The following NXPH1 variants were observed in gnomAD, a reference collection of about 807,000 sequenced individuals.
NXPH1 encodes the protein neurexophilin 1, also known as neurexophilin-1.
In NXPH1, 5 loss-of-function variants were observed where a neutral mutation model predicts 23.7. The ratio of observed to expected loss-of-function variants is 0.21; its 90% confidence interval spans 0.11 to 0.44. NXPH1 has a LOEUF of 0.44. Ranked by LOEUF, NXPH1 falls within the 20% of genes least tolerant of loss-of-function variation. The pLI, the probability that NXPH1 is intolerant of heterozygous loss-of-function variation, is 0.99. For missense variants in NXPH1, 324 were observed against 321.6 expected, an observed-to-expected ratio of 1.01 and a Z score of -0.06; for synonymous variants, 144 against 122.2, an observed-to-expected ratio of 1.18 and a Z score of -1.18.
chr7:8,639,762 T>A (rs1023762459), intron 2 of NXPH1, among the ~76,000 whole-genome samples: 2 of 152,126 alleles, frequency 1.3e-5, no homozygotes, highest in Non-Finnish European at 2.9e-5. Flanking sequence ...TAAGTTCTCA[T>A]GAGATCTGAT....
intron 2 of NXPH1, among the ~76,000 whole-genome samples, chr7:8,625,823 G>C (rs1436920976): frequency 6.6e-6 from 1 of 152,122 alleles, no homozygotes; most frequent in East Asian, 1.9e-4. Context: ...TTTTTGGAAA[G>C]GATTTTGGCA....
At chr7:8,508,868 A>G (rs1817570114) in intron 2 of NXPH1, among the ~76,000 whole-genome samples, 2 of 152,096 alleles carry the variant, frequency 1.3e-5, no homozygotes, top group Admixed American at 6.6e-5. Context: ...GTCTGAGACT[A>G]TTAATTTTAT....
intron 2 of NXPH1, among the ~76,000 whole-genome samples, chr7:8,479,856 TA>T (rs375680901): frequency 5.3e-5 from 8 of 152,252 alleles, no homozygotes; most frequent in African/African-American, 1.4e-4. Context: ...AATGTGTGAG[TA>T]GATAACGGTA....
In NXPH1 at chr7:8,671,047, A is replaced by G. The variant is rs368762510; in HGVS notation, c.55-79961A>G. The stretch of plus-strand genomic sequence containing the variant: ...CCCTACCGTGGTCTGTGGACAGTTA[A>G]GACAGGCACTCCACAGATACATACC... On this transcript the variant is annotated intron_variant, in intron 2 of 2. Transcript: ENST00000405863. 3.8e-4 allele frequency among the ~76,000 whole-genome samples: 58 copies of G among 152,330 alleles called. 1 individual carries two copies. The South Asian group carries it at 0.011, about 30-fold the overall frequency.
intron 2 of NXPH1, among the ~76,000 whole-genome samples, chr7:8,699,139 A>C (rs1484527011): frequency 6.6e-6 from 1 of 151,960 alleles, no homozygotes; most frequent in Non-Finnish European, 1.5e-5. Context: ...GTTTCTTTTC[A>C]CTCAGATCCA....
intron 2 of NXPH1, among the ~76,000 whole-genome samples, chr7:8,515,290 G>C (rs1031881585): frequency 1.3e-5 from 2 of 152,072 alleles, no homozygotes; most frequent in South Asian, 2.1e-4. Context: ...ATGTCCACCA[G>C]TCTGTGTGAT....
chr7:8,725,161 G>A (rs914261349), intron 2 of NXPH1, among the ~76,000 whole-genome samples: 20 of 152,198 alleles, frequency 1.3e-4, no homozygotes, highest in African/African-American at 4.8e-4. Context: ...GATATTCTCA[G>A]TGCATGAGTT....
intron 2 of NXPH1, among the ~76,000 whole-genome samples, chr7:8,462,345 C>T (rs1472181142): frequency 6.6e-6 from 1 of 152,184 alleles, no homozygotes; most frequent in East Asian, 1.9e-4. Flanking sequence ...CTGCACCCGA[C>T]CTTGTATTAT....
chr7:8,501,596 G>T (rs1236210916), intron 2 of NXPH1, among the ~76,000 whole-genome samples: 1 of 152,000 alleles, frequency 6.6e-6, no homozygotes, highest in East Asian at 1.9e-4. Context: ...TAAAGCATTT[G>T]GACACTGGTA....
At chr7:8,519,142 ATTCTGAAT>A (rs1817730742) in intron 2 of NXPH1, among the ~76,000 whole-genome samples, 2 of 152,266 alleles carry the variant, frequency 1.3e-5, no homozygotes, top group African/African-American at 4.8e-5. Context: ...TATCTCATTT[ATTCTGAAT>A]TTGTTATTTT....
At chr7:8,653,117 CT>C (rs1048270145) in intron 2 of NXPH1, among the ~76,000 whole-genome samples, 2 of 150,556 alleles carry the variant, frequency 1.3e-5, no homozygotes, top group South Asian at 2.1e-4. Flanking sequence ...ACATTCTCTG[CT>C]TTTTTTTTCA....
Position 8,614,743 on chromosome 7 carries a change from G to T in NXPH1, c.55-136265G>T, listed in dbSNP as rs145193893. On this transcript the variant is annotated intron_variant, in intron 2 of 2. Transcript: ENST00000405863. ...TTTTAGAAACTCTATGTTTGATTATGCAGCTGTGATGAAAGAATATCAAAA... is the reference window on the plus strand; with the variant it reads ...TTTTAGAAACTCTATGTTTGATTATTCAGCTGTGATGAAAGAATATCAAAA... Among the ~76,000 whole-genome samples, 672 of 152,074 alleles carry T rather than the reference G, an allele frequency of 4.4e-3. 9 individuals carry two copies. Among genetic ancestry groups the T allele is most frequent in the African/African-American group, 0.015 (625 of 41,534 alleles).
chr7:8,448,328 G>C (rs1380058586), intron 2 of NXPH1, among the ~76,000 whole-genome samples: 2 of 152,212 alleles, frequency 1.3e-5, no homozygotes, highest in African/African-American at 2.4e-5. Context: ...TAGAAAGAAG[G>C]GTTTCCGGAC....
chr7:8,642,297 T>C (rs994922030), intron 2 of NXPH1, among the ~76,000 whole-genome samples: 3 of 152,246 alleles, frequency 2.0e-5, no homozygotes, highest in South Asian at 4.1e-4. Flanking sequence ...CATTGCTCTG[T>C]TGTCTTACAG....
At chr7:8,502,226 T>C (rs1433751452) in intron 2 of NXPH1, among the ~76,000 whole-genome samples, 1 of 152,084 alleles carries the variant, frequency 6.6e-6, no homozygotes, top group African/African-American at 2.4e-5. Flanking sequence ...TTTTTAAATG[T>C]ACAGAAATTT....
intron 2 of NXPH1, among the ~76,000 whole-genome samples, chr7:8,536,780 A>T (rs1818034384): frequency 6.6e-6 from 1 of 151,962 alleles, no homozygotes; most frequent in African/African-American, 2.4e-5. Context: ...AATGGAGGAG[A>T]GAAGCATTCA....
chr7:8,709,644 C>A (rs1361065862), intron 2 of NXPH1, among the ~76,000 whole-genome samples: 1 of 151,952 alleles, frequency 6.6e-6, no homozygotes, highest in African/African-American at 2.4e-5. Context: ...GGTGGAAAAC[C>A]CAAAAGATTT....
At chr7:8,690,648 C>T (rs1390797952) in intron 2 of NXPH1, among the ~76,000 whole-genome samples, 1 of 152,092 alleles carries the variant, frequency 6.6e-6, no homozygotes, top group African/African-American at 2.4e-5. Context: ...GAATAAAGTG[C>T]ATTTGGAACA....
chr7:8,485,491 G>C (rs1448151749), intron 2 of NXPH1, among the ~76,000 whole-genome samples: 1 of 152,040 alleles, frequency 6.6e-6, no homozygotes, highest in Non-Finnish European at 1.5e-5. Flanking sequence ...TTCCTCAGAG[G>C]AACTTCTAAT....
Sources: gnomAD v4.1 joint callset for allele counts (sites outside exome capture counted in the v4.1 genomes callset) on GRCh38, gnomAD v4.1.1 for gene constraint, MANE v1.5 for transcripts, NCBI Gene and HGNC (gene_info 2026-07-23, HGNC 2026-07-21) for gene names.